The following CA10 variants were observed in gnomAD, a reference collection of about 807,000 sequenced individuals.
CA10 encodes carbonic anhydrase-related protein 10.
Under a neutral mutation model 44.2 loss-of-function variants are expected in CA10, and 14 were observed. The observed-to-expected ratio is 0.32, with a 90% confidence interval of 0.21 to 0.50. The LOEUF is 0.50. CA10 is among the 20% of genes least tolerant of loss of function. The pLI is 0.99. For synonymous variants in CA10, 159 were observed against 141.6 expected (o/e 1.12, Z -0.87); for missense variants, 350 against 409.7 (o/e 0.85, Z 1.26).
At chr17:51,916,022 A>G (rs1276250582) in intron 3 of CA10, among the ~76,000 whole-genome samples, 1 of 152,110 alleles carries the variant, frequency 6.6e-6, no homozygotes, top group African/African-American at 2.4e-5. Flanking sequence ...TTAAAAGGCA[A>G]TTTGTAGAAT....
At chr17:51,810,204 G>T (rs1907304236) in intron 3 of CA10, among the ~76,000 whole-genome samples, 1 of 152,180 alleles carries the variant, frequency 6.6e-6, no homozygotes, top group Non-Finnish European at 1.5e-5. Flanking sequence ...AAAAGTGATT[G>T]CTTATCTCTT....
chr17:52,121,810 T>C (rs1007888829), intron 1 of CA10, among the ~76,000 whole-genome samples: 1 of 152,054 alleles, frequency 6.6e-6, no homozygotes, highest in Non-Finnish European at 1.5e-5. Context: ...TCCCAGACAA[T>C]CCTGCCCCTG....
At chr17:51,831,732 G>GCGGCAGCGGCAGCGGCAGCGGC (rs1567854679) in intron 3 of CA10, among the ~76,000 whole-genome samples, 1 of 145,942 alleles carries the variant, frequency 6.9e-6, no homozygotes, top group Non-Finnish European at 1.5e-5. Flanking sequence ...AGCAGCAGCA[G>GCGGCAGCGGCAGCGGCAGCGGC]AAAAAGACCT....
chr17:51,701,496 T>A (rs1020661605), intron 4 of CA10, among the ~76,000 whole-genome samples: 10 of 152,094 alleles, frequency 6.6e-5, no homozygotes, highest in Non-Finnish European at 7.3e-5. Context: ...TTATTTTTTT[T>A]ATGTTTCTTG....
chr17:51,814,300 T>C (rs1315712968), intron 3 of CA10, among the ~76,000 whole-genome samples: 1 of 152,248 alleles, frequency 6.6e-6, no homozygotes, highest in African/African-American at 2.4e-5. Context: ...TAATCTCTTC[T>C]TCCAACAGCT....
chr17:51,715,687 G>T (rs1278860068), intron 4 of CA10, among the ~76,000 whole-genome samples: 1 of 151,812 alleles, frequency 6.6e-6, no homozygotes, highest in Non-Finnish European at 1.5e-5. Flanking sequence ...GAGTAGTCTT[G>T]TTCATTCATT....
rs115496823 is a variant in CA10, at chr17:51,665,977, C to T, written c.466-12241G>A. On this transcript the variant is annotated intron_variant, in intron 4 of 8. Coordinates refer to ENST00000451037, the MANE Select transcript of CA10 (RefSeq NM_020178.5). ...GAGAAGGCTAGGCAAAGGCCATGGC[C>T]AAAAAATATGAATGTGCAGCTTAGT... Among the ~76,000 whole-genome samples, 494 of 152,314 alleles carry T rather than the reference C, an allele frequency of 3.2e-3. 1 individual carries two copies. Among genetic ancestry groups the T allele is most frequent in the African/African-American group, 0.011 (467 of 41,564 alleles).
At chr17:51,787,410 C>T (rs887924933) in intron 3 of CA10, among the ~76,000 whole-genome samples, 5 of 151,992 alleles carry the variant, frequency 3.3e-5, no homozygotes, top group Admixed American at 6.6e-5. Context: ...GATTATCCAA[C>T]TTATTAGCAT....
At chr17:51,635,224 A>T (rs2143209903) in intron 7 of CA10, among the ~76,000 whole-genome samples, 1 of 152,110 alleles carries the variant, frequency 6.6e-6, no homozygotes, top group East Asian at 1.9e-4. Context: ...ATAAAGATGG[A>T]GGTAGAGGCT....
chr17:51,696,761 C>T (rs139661544), intron 4 of CA10, among the ~76,000 whole-genome samples: 1,760 of 152,084 alleles, frequency 0.012, 38 homozygotes, highest in African/African-American at 0.04. Flanking sequence ...TTGCTGTATC[C>T]CACAGATTTT....
chr17:52,126,767 G>A (rs1231291958), intron 1 of CA10, among the ~76,000 whole-genome samples: 1 of 152,020 alleles, frequency 6.6e-6, no homozygotes, highest in African/African-American at 2.4e-5. Flanking sequence ...ATGAAACTTA[G>A]GAATCAAATT....
chr17:51,640,953 G>A (rs1037620875), intron 6 of CA10, among the ~76,000 whole-genome samples: 3 of 152,218 alleles, frequency 2.0e-5, no homozygotes, highest in African/African-American at 7.2e-5. Context: ...ATCTAGAGGA[G>A]GTCAGAGTTG....
chr17:51,689,390 T>C (rs1368073286), intron 4 of CA10, among the ~76,000 whole-genome samples: 1 of 152,194 alleles, frequency 6.6e-6, no homozygotes, highest in African/African-American at 2.4e-5. Context: ...AGGGCCATTC[T>C]TTTTTCATGG....
intron 3 of CA10, among the ~76,000 whole-genome samples, chr17:51,873,523 A>C (rs2143866368): frequency 6.6e-6 from 1 of 152,358 alleles, no homozygotes; most frequent in East Asian, 1.9e-4. Context: ...TCATAAGCAA[A>C]TTAGGTTCCA....
At position 52,158,069 on chromosome 17, in the gene CA10, C is replaced by T; in HGVS notation, c.-283G>A. ...AGGTCTCCCCGCTCGCGTGTCTCTT[C>T]TCTTCGCACCAGCGGCGGAAACCGC... On this transcript the variant is annotated 5_prime_UTR_variant, in exon 1 of 9. Coordinates refer to ENST00000451037, the MANE Select transcript of CA10 (RefSeq NM_020178.5). The T allele has an allele frequency of 1.9e-6, 1 of 534,054 alleles. No homozygotes were observed. Among genetic ancestry groups the T allele is most frequent in the Non-Finnish European group, 3.3e-6 (1 of 298,868 alleles). 33.1% of individuals were successfully genotyped at this position (534,054 alleles called of 1,614,324 possible). A position where few individuals can be genotyped will look rare whatever the true frequency, so the allele number is the denominator to read the frequency against.
intron 3 of CA10, among the ~76,000 whole-genome samples, chr17:51,887,857 A>C (rs1040257160): frequency 6.7e-6 from 1 of 148,236 alleles, no homozygotes; most frequent in Non-Finnish European, 1.5e-5. Flanking sequence ...AAAAAAAAGA[A>C]AAAAAAAAAA....
chr17:51,779,368 C>T (rs1526188), intron 3 of CA10, among the ~76,000 whole-genome samples: 112,648 of 152,078 alleles, frequency 0.74, 42,001 homozygotes, highest in East Asian at 0.85. Flanking sequence ...ACAAATTCTG[C>T]GTCCATGTGA....
intron 4 of CA10, among the ~76,000 whole-genome samples, chr17:51,742,283 T>C (rs577394031): frequency 1.3e-5 from 2 of 152,260 alleles, no homozygotes; most frequent in African/African-American, 4.8e-5. Context: ...TCCTTATACA[T>C]CCCAATCCTC....
chr17:52,114,709 G>A (rs566816558), intron 1 of CA10, among the ~76,000 whole-genome samples: 1 of 152,198 alleles, frequency 6.6e-6, no homozygotes, highest in African/African-American at 2.4e-5. Flanking sequence ...TATCAATTTG[G>A]TAGTCTTCTT....
Sources: allele counts gnomAD v4.1 joint callset (sites outside exome capture counted in the v4.1 genomes callset), GRCh38; gene constraint gnomAD v4.1.1; transcripts MANE v1.5; gene names NCBI Gene and HGNC (gene_info 2026-07-23, HGNC 2026-07-21).